TGFBR3: variants seen among roughly 807,000 people sequenced by gnomAD.
The protein encoded by TGFBR3 is transforming growth factor beta receptor 3.
TGFBR3 carries 46 observed loss-of-function variants against 87.9 expected under a neutral mutation model. That is an observed-to-expected ratio of 0.52 (90% CI 0.41 to 0.67). The LOEUF is 0.67. TGFBR3 is among the 30% of genes least tolerant of loss of function. The pLI, the probability that TGFBR3 is intolerant of heterozygous loss-of-function variation, is 0.00. For synonymous variants in TGFBR3, 381 were observed against 391.6 expected (o/e 0.97, Z 0.32); for missense variants, 866 against 1,041.9 (o/e 0.83, Z 2.32).
chr1:91,746,910 G>T (rs12121065), intron 4 of TGFBR3, among the ~76,000 whole-genome samples: 23,866 of 152,084 alleles, frequency 0.16, 2,002 homozygotes, highest in East Asian at 0.25. Flanking sequence ...GGAAGAGTCA[G>T]CTACCAGGCT....
At chr1:91,825,911 G>A (rs550027636) in intron 2 of TGFBR3, among the ~76,000 whole-genome samples, 9 of 151,512 alleles carry the variant, frequency 5.9e-5, no homozygotes, top group Non-Finnish European at 8.8e-5. Context: ...AACCCAGGAG[G>A]CAGAGGTTGC....
chr1:91,717,386 C>T (rs1457987764), intron 10 of TGFBR3, among the ~76,000 whole-genome samples: 3 of 152,134 alleles, frequency 2.0e-5, no homozygotes, highest in Non-Finnish European at 4.4e-5. Flanking sequence ...GAAAAGAATA[C>T]GTTTTATTCC....
In TGFBR3 at chr1:91,716,614, A is replaced by G. The variant is rs1359305801; in HGVS notation, c.1661T>C (p.Met554Thr). ...GAACAGGGAAGCATCTCCTTCATCC[A>G]TATCTCCCGGAAATCCATTATCACC... ...ESGDNGFPGD[M>T]DEGDASLFTR... The change falls in exon 11 of 17, where the codon ATG becomes ACG. Residue 554 changes from methionine (M) to threonine (T), a missense_variant. Transcript: ENST00000212355. 1.2e-6 allele frequency: 2 copies of G among 1,614,134 alleles called. No individual in the cohort carries two copies. Among genetic ancestry groups the G allele is most frequent in the East Asian group, 2.2e-5 (1 of 44,882 alleles).
intron 2 of TGFBR3, among the ~76,000 whole-genome samples, chr1:91,858,854 G>A (rs1434490059): frequency 1.3e-5 from 2 of 151,282 alleles, no homozygotes; most frequent in African/African-American, 2.4e-5. Flanking sequence ...TCAGGAGTTC[G>A]AGACCAGCCT....
At chr1:91,793,926 T>A (rs911587060) in intron 3 of TGFBR3, among the ~76,000 whole-genome samples, 2 of 151,944 alleles carry the variant, frequency 1.3e-5, no homozygotes, top group Admixed American at 1.3e-4. Flanking sequence ...TCATGACATA[T>A]CTACAAAAAC....
rs770867935 is a variant in TGFBR3 at position 91,719,386 on chromosome 1, A to G, written c.1492T>C (p.Leu498=). 6.2e-7 allele frequency: 1 copy of G among 1,614,194 alleles called. No homozygotes were observed. Among genetic ancestry groups the G allele is most frequent in the East Asian group, 2.2e-5 (1 of 44,862 alleles). ...KAKMNGTHFV[L]ESPLNGCGTR... is the part of the protein sequence containing the mutation. ...CCGCAGCCATTCAGAGGAGACTCCAAAACAAAGTGTGTGCCATTCATCTTG... is the reference window on the plus strand; with the variant it reads ...CCGCAGCCATTCAGAGGAGACTCCAGAACAAAGTGTGTGCCATTCATCTTG... Residue 498 remains leucine (L), a synonymous_variant, in exon 10 of 17, where the codon TTG becomes CTG. Transcript: ENST00000212355.
chr1:91,758,860 G>T, intron 3 of TGFBR3, 110 bp from the exon 4 acceptor site: 1 of 1,305,764 alleles, frequency 7.7e-7, no homozygotes, highest in Non-Finnish European at 1.1e-6. Flanking sequence ...ACAGAAACAA[G>T]CTATAATGTA....
intron 2 of TGFBR3, among the ~76,000 whole-genome samples, chr1:91,836,291 G>A (rs947181394): frequency 6.6e-6 from 1 of 152,052 alleles, no homozygotes; most frequent in African/African-American, 2.4e-5. Flanking sequence ...AAATTCAGAT[G>A]TCATGAAGAA....
At chr1:91,848,520 C>T (rs1414093491) in intron 2 of TGFBR3, among the ~76,000 whole-genome samples, 2 of 152,062 alleles carry the variant, frequency 1.3e-5, no homozygotes, top group African/African-American at 4.8e-5. Context: ...CTATGAATAT[C>T]CTTATTATAA....
At chr1:91,859,356 G>C (rs1326752426) in intron 2 of TGFBR3, among the ~76,000 whole-genome samples, 1 of 133,750 alleles carries the variant, frequency 7.5e-6, no homozygotes, top group Admixed American at 8.8e-5. Flanking sequence ...TAGACATCTT[G>C]TCATCAAAAC....
intron 2 of TGFBR3, among the ~76,000 whole-genome samples, chr1:91,843,346 T>C (rs1677360286): frequency 6.6e-6 from 1 of 152,164 alleles, no homozygotes; most frequent in Non-Finnish European, 1.5e-5. Context: ...ACTGTATCCA[T>C]GTGAGGATAC....
intron 1 of TGFBR3, among the ~76,000 whole-genome samples, chr1:91,873,282 CT>C (rs34364302): frequency 0.25 from 25,070 of 100,380 alleles, 2,314 homozygotes; most frequent in Middle Eastern, 0.34. Context: ...ATTTTCCCTT[CT>C]TTTTTTTTTT....
chr1:91,840,072 G>A (rs1332285074), intron 2 of TGFBR3, among the ~76,000 whole-genome samples: 1 of 151,946 alleles, frequency 6.6e-6, no homozygotes, highest in Non-Finnish European at 1.5e-5. Context: ...CACTTTGGGA[G>A]GCTCAGGCAG....
At chr1:91,899,021 T>A (rs1679620434) in intron 2 of TGFBR3, among the ~76,000 whole-genome samples, 1 of 152,192 alleles carries the variant, frequency 6.6e-6, no homozygotes. Context: ...TGATACTTAT[T>A]CAGTTTCTAG....
At position 91,899,020 on chromosome 1, in the gene TGFBR3, T is replaced by C. The variant is rs550056918; in HGVS notation, c.-114+617A>G. Among the ~76,000 whole-genome samples the C allele has an allele frequency of 8.5e-5, 13 of 152,304 alleles. No homozygotes were observed. In the South Asian group the frequency reaches 1.5e-3, roughly 17 times the overall value. On this transcript the variant is annotated intron_variant, in intron 2 of 17. Transcript: ENST00000370399. ...TCAATTTTCCTCCTTGTGATACTTA[T>C]TCAGTTTCTAGACAGAGCAAATCAT...
At chr1:91,844,962 T>C (rs1481451272) in intron 2 of TGFBR3, among the ~76,000 whole-genome samples, 1 of 152,212 alleles carries the variant, frequency 6.6e-6, no homozygotes, top group Non-Finnish European at 1.5e-5. Flanking sequence ...CTAGACCTGC[T>C]GGCTGAGGAG....
At chr1:91,856,219 C>T (rs1677945726) in intron 2 of TGFBR3, among the ~76,000 whole-genome samples, 1 of 152,140 alleles carries the variant, frequency 6.6e-6, no homozygotes, top group South Asian at 2.1e-4. Flanking sequence ...TCCGCCACCG[C>T]GCGTGGCTAA....
In TGFBR3 at chr1:91,792,335, A is replaced by C. The variant is rs149096385; in HGVS notation, c.246+4952T>G. On this transcript the variant is annotated intron_variant, in intron 3 of 16. Coordinates refer to ENST00000212355, the MANE Select transcript of TGFBR3 (RefSeq NM_003243.5). ...GGGTTATGAGCTTTTTGACGGGTGAAGTTATTAAACCTGGCCCCTTTCCCA... is the reference window on the plus strand; with the variant it reads ...GGGTTATGAGCTTTTTGACGGGTGACGTTATTAAACCTGGCCCCTTTCCCA... Among the ~76,000 whole-genome samples the C allele has an allele frequency of 7.0e-4, 107 of 152,290 alleles. 1 individual carries two copies. The highest frequency in any genetic ancestry group is 2.6e-3 in the African/African-American group (106 of 41,546).
At chr1:91,817,343 A>T (rs1214693003) in intron 2 of TGFBR3, among the ~76,000 whole-genome samples, 1 of 152,232 alleles carries the variant, frequency 6.6e-6, no homozygotes, top group African/African-American at 2.4e-5. Flanking sequence ...GCACTGTGTA[A>T]TATATAAGAT....
Sources: gnomAD v4.1 joint callset for allele counts (sites outside exome capture counted in the v4.1 genomes callset) on GRCh38, gnomAD v4.1.1 for gene constraint, MANE v1.5 for transcripts, NCBI Gene and HGNC (gene_info 2026-07-23, HGNC 2026-07-21) for gene names.